The following MECR variants were observed in gnomAD, a reference collection of about 807,000 sequenced individuals.
MECR encodes enoyl-[acyl-carrier-protein] reductase, mitochondrial.
Under a neutral mutation model 49.1 loss-of-function variants are expected in MECR, and 37 were observed. That is an observed-to-expected ratio of 0.75 (90% CI 0.58 to 0.99). The LOEUF is 0.99. Among genes scored for constraint, MECR ranks in the 50% least tolerant of loss-of-function variants. MECR has a pLI of 0.00. For synonymous variants in MECR, 198 were observed against 191.1 expected, an observed-to-expected ratio of 1.04 and a Z score of -0.30; for missense variants, 470 against 479.6, an observed-to-expected ratio of 0.98 and a Z score of 0.19.
At chr1:29,196,695 A>C (rs549310121) in intron 7 of MECR, among the ~76,000 whole-genome samples, 17 of 151,850 alleles carry the variant, frequency 1.1e-4, no homozygotes, top group Middle Eastern at 6.9e-3. Flanking sequence ...CTCAGAAAAT[A>C]AATGAATGAA....
At chr1:29,175,687 G>A in the MECR span, among the ~76,000 whole-genome samples, 2 of 59,892 alleles carry the variant, frequency 3.3e-5, no homozygotes, top group Non-Finnish European at 5.7e-5. Context: ...AGAGCCAGAC[G>A]CTGTCTCAAA....
downstream of MECR, among the ~76,000 whole-genome samples, chr1:29,187,945 G>A (rs1286382789): frequency 1.4e-5 from 2 of 140,102 alleles, no homozygotes; most frequent in Non-Finnish European, 3.1e-5. Flanking sequence ...GTTGAGGCAG[G>A]AGAATGGCGT....
chr1:29,169,166 C>T, the MECR span: 1 of 152,218 alleles, frequency 6.6e-6, no homozygotes, highest in South Asian at 2.1e-4. Flanking sequence ...ATTTTCACAA[C>T]TCTGAGGTTT....
the MECR span, among the ~76,000 whole-genome samples, chr1:29,168,175 C>G: frequency 6.7e-6 from 1 of 149,282 alleles, no homozygotes; most frequent in African/African-American, 2.5e-5. Flanking sequence ...CCACCATGCC[C>G]GGCAAATTTT....
intron 1 of MECR, among the ~76,000 whole-genome samples, chr1:29,226,651 A>C (rs1421580864): frequency 6.6e-6 from 1 of 152,166 alleles, no homozygotes; most frequent in Non-Finnish European, 1.5e-5. Context: ...CTATGTCTAT[A>C]TCAAGGACTT....
chr1:29,189,292 G>A (rs1384308728), downstream of MECR, among the ~76,000 whole-genome samples: 4 of 151,740 alleles, frequency 2.6e-5, no homozygotes, highest in Non-Finnish European at 5.9e-5. Flanking sequence ...GGGTGGTCTG[G>A]AACTGACCTC....
chr1:29,181,124 C>A, the MECR span, among the ~76,000 whole-genome samples: 68 of 152,338 alleles, frequency 4.5e-4, no homozygotes, highest in African/African-American at 1.5e-3. Context: ...GAGTCTCCCG[C>A]CCAAAAAAGC....
At chr1:29,171,941 A>G in the MECR span, 1 of 152,170 alleles carries the variant, frequency 6.6e-6, no homozygotes, top group Non-Finnish European at 1.5e-5. Flanking sequence ...TCATACCACA[A>G]ACTGAAGGGA....
intron 1 of MECR, among the ~76,000 whole-genome samples, chr1:29,218,060 A>T (rs1679907331): frequency 6.9e-6 from 1 of 144,428 alleles, no homozygotes; most frequent in Non-Finnish European, 1.6e-5. Flanking sequence ...TTTGGACCTG[A>T]TCCCCTCTGG....
intron 1 of MECR, chr1:29,224,567 T>C (rs545663780): frequency 1.3e-5 from 2 of 152,394 alleles, no homozygotes; most frequent in South Asian, 4.1e-4. Flanking sequence ...GGGCCCGTCT[T>C]GTCTTGGCAG....
At chr1:29,210,012 CTTTT>C (rs11364584) in intron 3 of MECR, among the ~76,000 whole-genome samples, 2 of 141,360 alleles carry the variant, frequency 1.4e-5, no homozygotes, top group Non-Finnish European at 3.1e-5. Flanking sequence ...GGCAGGAACA[CTTTT>C]TTTTTTTTTT....
intron 1 of MECR, among the ~76,000 whole-genome samples, chr1:29,221,391 T>C (rs1680736434): frequency 6.6e-6 from 1 of 152,024 alleles, no homozygotes; most frequent in African/African-American, 2.4e-5. Flanking sequence ...AAGGATACCA[T>C]AGTTTGAAGG....
chr1:29,188,084 T>A (rs1673064725), downstream of MECR, among the ~76,000 whole-genome samples: 1 of 149,274 alleles, frequency 6.7e-6, no homozygotes. Flanking sequence ...CTGGCTAATT[T>A]TTGTATTTTT....
At position 29,230,774 on chromosome 1, in the gene MECR, C is replaced by T. The variant is rs531057788; in HGVS notation, c.133G>A (p.Ala45Thr). Residue 45 changes from alanine (A) to threonine (T), a missense_variant, in exon 1 of 10, where the codon GCG becomes ACG. Transcript: ENST00000263702. ...SASAEPARVR[A>T]LVYGHHGDPA... ...TCCCCGTGGTGCCCATAGACAAGCG[C>T]CCGGACCCGGGCAGGCTCGGCGGAT... 21 of 1,600,368 alleles carry T rather than the reference C, an allele frequency of 1.3e-5. No homozygotes were observed. The African/African-American group carries it at 2.5e-4, about 19-fold the overall frequency.
At position 29,201,072 on chromosome 1, in the gene MECR, A is replaced by G. The variant is rs1230433499; in HGVS notation, c.757-483T>C. 6.6e-6 allele frequency among the ~76,000 whole-genome samples: 1 copy of G among 152,242 alleles called. No homozygotes were observed. Among genetic ancestry groups the G allele is most frequent in the African/African-American group, 2.4e-5 (1 of 41,462 alleles). ...TGGCCTCCCGAAGTGCTGGGATTAC[A>G]GGCATGAGTCACCTCATCCAGCCAA... On this transcript the variant is annotated intron_variant, in intron 6 of 9. Transcript: ENST00000263702. The surrounding 1 kb of genome is among the most constrained non-coding windows in gnomAD (Gnocchi z 4.3).
chr1:29,194,149 C>T lies in MECR; in HGVS notation c.995G>A (p.Cys332Tyr). Residue 332 changes from cysteine (C) to tyrosine (Y), a missense_variant, in exon 10 of 10, where the codon TGC becomes TAC. Transcript: ENST00000263702. The stretch of plus-strand genomic sequence containing the variant: ...GAGCTGGCCTCGGCGGATGAGATCG[C>T]ACAGTGTGAGGATCAGCTCCTTGAA... Reference protein sequence around the residue: ...DQFKELILTLCDLIRRGQLTA... With the variant: ...DQFKELILTLYDLIRRGQLTA... 6.2e-7 allele frequency: 1 copy of T among 1,613,174 alleles called. No homozygotes were observed. Among genetic ancestry groups the T allele is most frequent in the Non-Finnish European group, 8.5e-7 (1 of 1,179,556 alleles).
the MECR span, among the ~76,000 whole-genome samples, chr1:29,176,467 G>T: frequency 9.3e-4 from 136 of 146,892 alleles, 1 homozygote; most frequent in Middle Eastern, 3.5e-3. Context: ...GAAGCCTTGG[G>T]AGAATTAAAA....
At chr1:29,179,708 C>T in the MECR span, among the ~76,000 whole-genome samples, 1 of 152,136 alleles carries the variant, frequency 6.6e-6, no homozygotes, top group African/African-American at 2.4e-5. Flanking sequence ...TTCTTCAAAG[C>T]CATTTCAACA....
At chr1:29,208,751 T>C (rs765950054) in intron 3 of MECR, among the ~76,000 whole-genome samples, 1 of 152,208 alleles carries the variant, frequency 6.6e-6, no homozygotes, top group Non-Finnish European at 1.5e-5. Flanking sequence ...ACCCAGGCAC[T>C]TGAACAATAC....
Sources: allele counts gnomAD v4.1 joint callset (sites outside exome capture counted in the v4.1 genomes callset), GRCh38; gene constraint gnomAD v4.1.1; non-coding constraint Gnocchi (gnomAD v3.1); transcripts MANE v1.5; gene names NCBI Gene and HGNC (gene_info 2026-07-23, HGNC 2026-07-21).